TMEM135: variants seen among roughly 807,000 people sequenced by gnomAD.
TMEM135 encodes transmembrane protein 135.
Under a neutral mutation model 60.3 loss-of-function variants are expected in TMEM135, and 30 were observed. The ratio of observed to expected loss-of-function variants is 0.50; its 90% confidence interval spans 0.37 to 0.68. TMEM135 has a LOEUF of 0.68. Among genes scored for constraint, TMEM135 ranks in the 30% least tolerant of loss-of-function variants. The pLI is 0.00. For synonymous variants in TMEM135, 190 were observed against 186.7 expected, an observed-to-expected ratio of 1.02 and a Z score of -0.14; for missense variants, 468 against 548.8, an observed-to-expected ratio of 0.85 and a Z score of 1.47.
At chr11:87,075,747 C>T (rs1268369842) in intron 3 of TMEM135, among the ~76,000 whole-genome samples, 1 of 152,154 alleles carries the variant, frequency 6.6e-6, no homozygotes, top group Non-Finnish European at 1.5e-5. Flanking sequence ...CAATTGGGTC[C>T]CAAGCCCAAT....
chr11:87,275,783 C>T (rs889443598), intron 6 of TMEM135, among the ~76,000 whole-genome samples: 6 of 152,142 alleles, frequency 3.9e-5, no homozygotes, highest in African/African-American at 1.2e-4. Context: ...GCCTCAGCTC[C>T]TCAGTAGCTG....
At chr11:87,042,138 A>G (rs1457422974) in intron 1 of TMEM135, among the ~76,000 whole-genome samples, 2 of 152,262 alleles carry the variant, frequency 1.3e-5, no homozygotes, top group Non-Finnish European at 2.9e-5. Flanking sequence ...TACAGGGGAA[A>G]TTATCTGTTT....
At chr11:87,054,602 A>G (rs1487914654) in intron 1 of TMEM135, among the ~76,000 whole-genome samples, 1 of 152,160 alleles carries the variant, frequency 6.6e-6, no homozygotes, top group Non-Finnish European at 1.5e-5. Flanking sequence ...TTTATTTTGT[A>G]TAGCCCTTTG....
rs1245987158 is a variant in TMEM135, at chr11:87,327,933, G to A, written c.*6600G>A. ...TTCTACCCAGGCCTCCAGTGGATTG[G>A]AGGTGCCTGCCCATATTGAGGGCAG... is the stretch of plus-strand genomic sequence containing the variant. On this transcript the variant is annotated 3_prime_UTR_variant, in exon 15 of 15. Transcript: ENST00000305494. 2.2e-6 allele frequency: 1 copy of A among 453,866 alleles called. No homozygotes were observed. Among genetic ancestry groups the A allele is most frequent in the Non-Finnish European group, 4.4e-6 (1 of 226,768 alleles). 28.1% of individuals were successfully genotyped at this position (453,866 alleles called of 1,614,324 possible). A position where few individuals can be genotyped will look rare whatever the true frequency, so the allele number is the denominator to read the frequency against.
At chr11:87,038,248 G>T in intron 1 of TMEM135, 62 bp downstream of exon 1, 3 of 1,607,134 alleles carry the variant, frequency 1.9e-6, no homozygotes, top group Non-Finnish European at 2.6e-6. Context: ...GGGGGCTGCA[G>T]TTGGTGCTCC....
chr11:87,130,116 ATTT>A (rs34801765), intron 4 of TMEM135, among the ~76,000 whole-genome samples: 5 of 146,224 alleles, frequency 3.4e-5, no homozygotes, highest in East Asian at 2.1e-4. Context: ...GTATAAGTAC[ATTT>A]TTAAAAAAAA....
chr11:87,103,770 C>T (rs1258019008), intron 4 of TMEM135, among the ~76,000 whole-genome samples: 4 of 151,978 alleles, frequency 2.6e-5, no homozygotes, highest in Admixed American at 2.0e-4. Flanking sequence ...GCAGTCCTCC[C>T]ATAACTTCTT....
intron 6 of TMEM135, among the ~76,000 whole-genome samples, chr11:87,292,406 CATTTAGTTA>C (rs1942282835): frequency 6.6e-6 from 1 of 152,106 alleles, no homozygotes. Context: ...ACATAGTGGC[CATTTAGTTA>C]ATATTTATCG....
chr11:87,164,131 G>A (rs1021868639), intron 5 of TMEM135, among the ~76,000 whole-genome samples: 1 of 124,308 alleles, frequency 8.0e-6, no homozygotes, highest in African/African-American at 3.2e-5. Context: ...TGTCCTGAAT[G>A]GTAATGCCTA....
At chr11:87,130,789 A>G (rs1937903653) in intron 4 of TMEM135, among the ~76,000 whole-genome samples, 1 of 152,144 alleles carries the variant, frequency 6.6e-6, no homozygotes, top group Admixed American at 6.6e-5. Context: ...GGAGTGAAAC[A>G]CTGTACCAGG....
At chr11:87,287,397 GGCC>G (rs1942185859) in intron 6 of TMEM135, among the ~76,000 whole-genome samples, 1 of 152,092 alleles carries the variant, frequency 6.6e-6, no homozygotes, top group African/African-American at 2.4e-5. Flanking sequence ...TTTGTTTTTT[GGCC>G]GGGCGCAGTG....
intron 6 of TMEM135, among the ~76,000 whole-genome samples, chr11:87,287,405 G>A (rs572617310): frequency 7.9e-5 from 12 of 152,268 alleles, no homozygotes; most frequent in South Asian, 6.2e-4. Context: ...TTGGCCGGGC[G>A]CAGTGGCTCA....
At chr11:87,170,032 C>CACACGTTATTATATTAA (rs147009946) in intron 5 of TMEM135, among the ~76,000 whole-genome samples, 5 of 150,868 alleles carry the variant, frequency 3.3e-5, no homozygotes, top group African/African-American at 1.2e-4. Context: ...ATCTTGTCTT[C>CACACGTTATTATATTAA]GTTGATCTTC....
chr11:87,062,286 G>C (rs1949954625), intron 1 of TMEM135, among the ~76,000 whole-genome samples: 1 of 151,024 alleles, frequency 6.6e-6, no homozygotes, highest in South Asian at 2.1e-4. Flanking sequence ...TTACAGGCGT[G>C]ATCCACTGCA....
At chr11:87,150,032 A>G (rs568733919) in intron 4 of TMEM135, among the ~76,000 whole-genome samples, 1 of 152,072 alleles carries the variant, frequency 6.6e-6, no homozygotes, top group Non-Finnish European at 1.5e-5. Context: ...AGCCTGACTA[A>G]CATGGTGAAA....
intron 12 of TMEM135, among the ~76,000 whole-genome samples, chr11:87,317,406 T>C (rs1445599796): frequency 3.3e-5 from 5 of 152,166 alleles, no homozygotes; most frequent in African/African-American, 4.8e-5. Flanking sequence ...AAATAGATTA[T>C]AACTTGGTAT....
At chr11:87,116,373 TC>T (rs1351993849) in intron 4 of TMEM135, among the ~76,000 whole-genome samples, 1 of 152,220 alleles carries the variant, frequency 6.6e-6, no homozygotes, top group Non-Finnish European at 1.5e-5. Context: ...AAGTCATTAC[TC>T]TGACATCTGA....
At chr11:87,312,645 T>G (rs1942660283) in intron 10 of TMEM135, among the ~76,000 whole-genome samples, 1 of 151,914 alleles carries the variant, frequency 6.6e-6, no homozygotes, top group South Asian at 2.1e-4. Flanking sequence ...AATAAAACTT[T>G]ATCACACTAT....
intron 1 of TMEM135, among the ~76,000 whole-genome samples, chr11:87,047,459 G>C (rs1019590822): frequency 1.3e-5 from 2 of 151,222 alleles, no homozygotes; most frequent in Non-Finnish European, 3.0e-5. Flanking sequence ...GTGTGTGCGC[G>C]CACCGTGCGC....
Sources: allele counts gnomAD v4.1 joint callset (sites outside exome capture counted in the v4.1 genomes callset), GRCh38; gene constraint gnomAD v4.1.1; transcripts MANE v1.5; gene names NCBI Gene and HGNC (gene_info 2026-07-23, HGNC 2026-07-21).